Variants in RAD51B observed in about 807,000 individuals in gnomAD.
RAD51B encodes DNA repair protein RAD51 homolog 2.
In RAD51B, 38 loss-of-function variants were observed where a neutral mutation model predicts 42.2. The observed-to-expected ratio is 0.90, with a 90% CI of 0.70 to 1.18. The LOEUF (loss-of-function observed/expected upper bound fraction) is 1.18. Among genes scored for constraint, RAD51B ranks in the 50% most tolerant of loss-of-function variants. The probability of loss-of-function intolerance (pLI) is 0.00; values close to 1 mark genes in which losing one functional copy is unlikely to be tolerated. For synonymous variants in RAD51B, 154 were observed against 145.2 expected, an observed-to-expected ratio of 1.06 and a Z score of -0.43; for missense variants, 373 against 400.7, an observed-to-expected ratio of 0.93 and a Z score of 0.59.
At chr14:68,644,894 T>C (rs1892534286) in intron 10 of RAD51B, among the ~76,000 whole-genome samples, 1 of 152,268 alleles carries the variant, frequency 6.6e-6, no homozygotes. Context: ...TAGCATTTTG[T>C]AAGTTACTCT....
intron 7 of RAD51B, among the ~76,000 whole-genome samples, chr14:68,236,806 G>A (rs1400385719): frequency 6.6e-6 from 1 of 152,170 alleles, no homozygotes; most frequent in African/African-American, 2.4e-5. Context: ...ATGTACTCCT[G>A]CTCAGCTTTC....
chr14:67,971,226 CA>C (rs1201280340), intron 7 of RAD51B, among the ~76,000 whole-genome samples: 2 of 151,826 alleles, frequency 1.3e-5, no homozygotes, highest in Non-Finnish European at 2.9e-5. Flanking sequence ...TTTCCTTATT[CA>C]ACGGTTACAT....
chr14:67,828,745 A>G (rs1470905390), intron 3 of RAD51B, among the ~76,000 whole-genome samples: 3 of 152,172 alleles, frequency 2.0e-5, no homozygotes, highest in Non-Finnish European at 4.4e-5. Flanking sequence ...TAAATAGGCA[A>G]TCCTTTCCCC....
chr14:68,314,722 C>T (rs2082022900), intron 8 of RAD51B, among the ~76,000 whole-genome samples: 1 of 152,110 alleles, frequency 6.6e-6, no homozygotes, highest in African/African-American at 2.4e-5. Flanking sequence ...CCACTGTGTC[C>T]AAGCTTTGAT....
At chr14:67,850,666 A>C (rs924679017) in intron 4 of RAD51B, among the ~76,000 whole-genome samples, 34 of 150,384 alleles carry the variant, frequency 2.3e-4, no homozygotes, top group African/African-American at 8.3e-4. Flanking sequence ...AGTGCTGGGG[A>C]CATAGCTGGG....
chr14:67,936,482 T>C (rs1027633278), intron 7 of RAD51B, among the ~76,000 whole-genome samples: 1 of 152,270 alleles, frequency 6.6e-6, no homozygotes, highest in African/African-American at 2.4e-5. Context: ...CTCATTTTGT[T>C]TATCCATTTA....
intron 10 of RAD51B, among the ~76,000 whole-genome samples, chr14:68,504,325 T>G (rs1885129602): frequency 6.6e-6 from 1 of 152,202 alleles, no homozygotes; most frequent in Non-Finnish European, 1.5e-5. Context: ...GAATCAGGCC[T>G]CCACTTTGGC....
intron 9 of RAD51B, among the ~76,000 whole-genome samples, chr14:68,437,921 A>T (rs1051429943): frequency 3.5e-4 from 54 of 152,312 alleles, no homozygotes; most frequent in African/African-American, 1.2e-3. Context: ...TAGATGAAGT[A>T]GGAGACTGAG....
chr14:67,986,545 G>A (rs575224261), intron 7 of RAD51B, among the ~76,000 whole-genome samples: 1 of 152,246 alleles, frequency 6.6e-6, no homozygotes, highest in South Asian at 2.1e-4. Flanking sequence ...TCCCAAAATA[G>A]TATTTTCATC....
exon 11 of RAD51B, chr14:68,611,094 T>G (rs116719491): frequency 1.4e-6 from 1 of 703,072 alleles, no homozygotes; most frequent in Non-Finnish European, 2.6e-6. Flanking sequence ...TGATACCTGA[T>G]GTGGTGCTCA....
intron 9 of RAD51B, among the ~76,000 whole-genome samples, chr14:68,420,528 C>T (rs563640347): frequency 4.6e-5 from 7 of 152,246 alleles, no homozygotes; most frequent in African/African-American, 1.4e-4. Context: ...CGTTCCTCCC[C>T]TTTTTAGACC....
intron 10 of RAD51B, among the ~76,000 whole-genome samples, chr14:68,553,049 A>G (rs543995371): frequency 4.6e-5 from 7 of 152,320 alleles, no homozygotes; most frequent in African/African-American, 7.2e-5. Context: ...CTATTTTTGT[A>G]TATTTCCTTC....
At chr14:67,989,729 G>C (rs997331539) in intron 7 of RAD51B, among the ~76,000 whole-genome samples, 1 of 151,628 alleles carries the variant, frequency 6.6e-6, no homozygotes, top group African/African-American at 2.4e-5. Context: ...CCCCCCACAG[G>C]CCACAACTGT....
chr14:68,425,972 C>CTTTCTTTCTTTCTTTCTTTCTTTG lies in RAD51B; in HGVS notation c.957+14451_957+14452insTCTTTCTTTCTTTCTTTGTTTCTT, dbSNP rs1201664663. Among the ~76,000 whole-genome samples, 28 of 121,054 alleles carry CTTTCTTTCTTTCTTTCTTTCTTTG rather than the reference C, an allele frequency of 2.3e-4. 1 individual carries two copies. The East Asian group carries it at 5.7e-3, about 25-fold the overall frequency. The allele number at this position is 121,054 out of a possible 152,430, so 79.4% of individuals were successfully genotyped here. On this transcript the variant is annotated intron_variant, in intron 9 of 10. Coordinates refer to ENST00000471583, the MANE Select transcript of RAD51B (RefSeq NM_133510.4). ...TCTTTCTTTCTTTCTTTCTTTCTTT[C>CTTTCTTTCTTTCTTTCTTTCTTTG]TTTCTTCCTTCCTTCCTTCCTTCCT... is the stretch of plus-strand genomic sequence containing the variant.
chr14:68,324,586 T>C (rs2082215069), intron 8 of RAD51B, among the ~76,000 whole-genome samples: 1 of 152,226 alleles, frequency 6.6e-6, no homozygotes, highest in Non-Finnish European at 1.5e-5. Flanking sequence ...TTTTTCCTTT[T>C]ATGTTATGTA....
At chr14:68,506,797 G>A (rs1439025112) in intron 10 of RAD51B, among the ~76,000 whole-genome samples, 1 of 152,206 alleles carries the variant, frequency 6.6e-6, no homozygotes, top group Non-Finnish European at 1.5e-5. Context: ...GGGGGAAATT[G>A]AGGGAAATTT....
intron 9 of RAD51B, 53 bp downstream of exon 9, chr14:68,411,580 C>A (rs2084422729): frequency 1.3e-6 from 2 of 1,524,534 alleles, no homozygotes; most frequent in African/African-American, 1.4e-5. Context: ...ATGAGATATA[C>A]CAAGCAATCT....
At chr14:68,669,135 G>A (rs1477263908) in intron 11 of RAD51B, among the ~76,000 whole-genome samples, 1 of 152,246 alleles carries the variant, frequency 6.6e-6, no homozygotes, top group East Asian at 1.9e-4. Context: ...CCATGGATGT[G>A]GGTGGGACTG....
intron 10 of RAD51B, among the ~76,000 whole-genome samples, chr14:68,575,951 A>G (rs8017001): frequency 0.11 from 16,829 of 152,314 alleles, 1,064 homozygotes; most frequent in Middle Eastern, 0.32. Flanking sequence ...GGTTCAGGGC[A>G]GCAACAGGAA....
Sources: allele counts gnomAD v4.1 joint callset (sites outside exome capture counted in the v4.1 genomes callset), GRCh38; gene constraint gnomAD v4.1.1; transcripts MANE v1.5; gene names NCBI Gene and HGNC (gene_info 2026-07-23, HGNC 2026-07-21).